The following HK1 variants were observed in gnomAD, a reference collection of about 807,000 sequenced individuals.
The protein encoded by HK1 is hexokinase 1.
A neutral mutation model predicts 91.6 loss-of-function variants in HK1; 28 were observed. The ratio of observed to expected loss-of-function variants is 0.31; its 90% CI spans 0.23 to 0.42. The LOEUF is 0.42. Among genes scored for constraint, HK1 ranks in the 10% least tolerant of loss-of-function variants. The probability of loss-of-function intolerance (pLI) is 1.00; values close to 1 mark genes in which losing one functional copy is unlikely to be tolerated. For missense variants in HK1, 770 were observed against 1,219.8 expected (o/e 0.63, Z 5.49); for synonymous variants, 430 against 468.1 (o/e 0.92, Z 1.05).
In HK1 at chr10:69,369,401, C is replaced by T. The variant is rs1190860139; in HGVS notation, c.692-40C>T. The T allele has an allele frequency of 1.9e-6, 3 of 1,614,006 alleles. No homozygotes were observed. The highest frequency in any genetic ancestry group is 2.5e-6 in the Non-Finnish European group (3 of 1,179,828). On this transcript the variant is annotated intron_variant, in intron 6 of 17. Transcript: ENST00000359426. The surrounding 1 kb of genome is among the most constrained non-coding windows in gnomAD (Gnocchi z 4.4). Reference sequence around the variant, plus strand: ...TCTTTCCAGGTGGCTCTGCACCCTCCCCGTTGTGTGGTCATAGCTTCTGAT... The same window carrying T: ...TCTTTCCAGGTGGCTCTGCACCCTCTCCGTTGTGTGGTCATAGCTTCTGAT...
At chr10:69,292,662 C>T (rs868713857) in intron 3 of HK1, among the ~76,000 whole-genome samples, 2 of 152,166 alleles carry the variant, frequency 1.3e-5, no homozygotes, top group Non-Finnish European at 1.5e-5. Flanking sequence ...AGATAGGAGG[C>T]ACTTTACAGG....
chr10:69,348,181 A>C (rs950837328), intron 2 of HK1, among the ~76,000 whole-genome samples: 31 of 152,290 alleles, frequency 2.0e-4, no homozygotes, highest in Admixed American at 1.4e-3. Context: ...CCAAAAGAGA[A>C]GTTTTTACCC....
chr10:69,386,521 C>A (rs112638088), intron 13 of HK1, 103 bp downstream of exon 13: 22 of 877,240 alleles, frequency 2.5e-5, no homozygotes, highest in Non-Finnish European at 3.4e-5. Flanking sequence ...TGGTGGCTCA[C>A]GCCTGTAATC....
rs77698160 is a variant in HK1 at position 69,376,017 on chromosome 10, G to A, written c.876-917G>A. ...AGTTTAGGGTAACATCAGTGGGGGA[G>A]GAGTGAGTTCCTCAAAGCAAATTCT... On this transcript the variant is annotated intron_variant, in intron 7 of 17. Coordinates refer to ENST00000359426, the MANE Select transcript of HK1 (RefSeq NM_000188.3). Among the ~76,000 whole-genome samples the A allele has an allele frequency of 8.1e-4, 123 of 152,310 alleles. 4 individuals are homozygous for A. The East Asian group carries it at 0.021, about 26-fold the overall frequency.
intron 5 of HK1, 147 bp downstream of exon 5, chr10:69,368,778 G>T (rs1849837278): frequency 1.1e-5 from 8 of 723,714 alleles, no homozygotes; most frequent in Middle Eastern, 3.6e-4. Context: ...TCACAGTGTG[G>T]AATGATGAGG....
At chr10:69,279,115 C>G (rs1232598514) in intron 1 of HK1, among the ~76,000 whole-genome samples, 2 of 152,162 alleles carry the variant, frequency 1.3e-5, no homozygotes, top group African/African-American at 4.8e-5. Flanking sequence ...GATGTCGTCT[C>G]CTTATGATGG....
chr10:69,305,318 G>C (rs1345483174), intron 5 of HK1, among the ~76,000 whole-genome samples: 1 of 152,166 alleles, frequency 6.6e-6, no homozygotes, highest in Non-Finnish European at 1.5e-5. Context: ...GGGGAGGCTG[G>C]AAATGGAATC....
At chr10:69,387,342 G>A (rs923582285) in intron 13 of HK1, among the ~76,000 whole-genome samples, 9 of 152,312 alleles carry the variant, frequency 5.9e-5, no homozygotes, top group African/African-American at 7.2e-5. Flanking sequence ...AGGCTGGAGT[G>A]CAGTGGAGCA....
chr10:69,275,347 C>A (rs1273515461), intron 1 of HK1, among the ~76,000 whole-genome samples: 1 of 150,646 alleles, frequency 6.6e-6, no homozygotes, highest in Non-Finnish European at 1.5e-5. Flanking sequence ...ATGGCGAGAC[C>A]CCATCTCTAC....
intron 5 of HK1, among the ~76,000 whole-genome samples, chr10:69,303,541 G>A (rs562956180): frequency 1.3e-5 from 2 of 152,208 alleles, no homozygotes; most frequent in South Asian, 4.1e-4. Context: ...AGCAGTGACC[G>A]GCCTGTAGAG....
At chr10:69,285,529 T>G (rs1844988149) in intron 2 of HK1, among the ~76,000 whole-genome samples, 1 of 152,178 alleles carries the variant, frequency 6.6e-6, no homozygotes, top group Admixed American at 6.5e-5. Flanking sequence ...AATGTAGAGA[T>G]ATCAGGATCC....
intron 15 of HK1, among the ~76,000 whole-genome samples, chr10:69,392,803 C>A (rs888216278): frequency 2.6e-5 from 4 of 152,178 alleles, no homozygotes; most frequent in Non-Finnish European, 4.4e-5. Context: ...GGAATCAGGC[C>A]ATCCTCTGCC....
At chr10:69,350,908 C>G (rs944455105) in intron 2 of HK1, among the ~76,000 whole-genome samples, 6 of 150,732 alleles carry the variant, frequency 4.0e-5, no homozygotes, top group Non-Finnish European at 8.8e-5. Context: ...CCGTGGCTCA[C>G]GCCTGTAATC....
chr10:69,273,516 T>C (rs1844284963), intron 1 of HK1, among the ~76,000 whole-genome samples: 1 of 152,050 alleles, frequency 6.6e-6, no homozygotes, highest in African/African-American at 2.4e-5. Flanking sequence ...GCTCCCAGCC[T>C]AACTTTTGTA....
chr10:69,270,771 TTA>T (rs950009686), intron 1 of HK1, among the ~76,000 whole-genome samples: 1 of 152,164 alleles, frequency 6.6e-6, no homozygotes, highest in African/African-American at 2.4e-5. Context: ...CAGAAATCTT[TTA>T]TCTGTCTTTC....
chr10:69,349,580 G>A (rs1290852749), intron 2 of HK1, among the ~76,000 whole-genome samples: 3 of 152,176 alleles, frequency 2.0e-5, no homozygotes, highest in South Asian at 2.1e-4. Context: ...TGATGTTACA[G>A]GGGAAGGAGG....
chr10:69,325,503 A>AC (rs1179126833), intron 1 of HK1, among the ~76,000 whole-genome samples: 1 of 147,544 alleles, frequency 6.8e-6, no homozygotes, highest in Non-Finnish European at 1.5e-5. Flanking sequence ...GATTACAGGC[A>AC]CCAGCCAATG....
At chr10:69,310,708 C>A (rs1433094304) in intron 5 of HK1, among the ~76,000 whole-genome samples, 1 of 152,202 alleles carries the variant, frequency 6.6e-6, no homozygotes, top group Non-Finnish European at 1.5e-5. Flanking sequence ...AGCAGTCAAA[C>A]TACAAGTTTA....
chr10:69,279,776 T>A (rs1360839175), intron 1 of HK1, among the ~76,000 whole-genome samples: 1 of 152,164 alleles, frequency 6.6e-6, no homozygotes, highest in African/African-American at 2.4e-5. Context: ...GGGTCACAGT[T>A]AGGAATCAGG....
Sources: allele counts gnomAD v4.1 joint callset (sites outside exome capture counted in the v4.1 genomes callset), GRCh38; gene constraint gnomAD v4.1.1; non-coding constraint Gnocchi (gnomAD v3.1); transcripts MANE v1.5; gene names NCBI Gene and HGNC (gene_info 2026-07-23, HGNC 2026-07-21).